Variants in SLC20A1 observed in about 807,000 individuals in gnomAD.
SLC20A1 encodes the protein solute carrier family 20 member 1.
Under a neutral mutation model 62.7 loss-of-function variants are expected in SLC20A1, and 28 were observed. That is an observed-to-expected ratio of 0.45 (90% confidence interval 0.33 to 0.61). The LOEUF (loss-of-function observed/expected upper bound fraction) is 0.61. Ranked by LOEUF, SLC20A1 falls within the 20% of genes least tolerant of loss-of-function variation. The pLI is 0.02. For synonymous variants in SLC20A1, 305 were observed against 302.9 expected (o/e 1.01, Z -0.07); for missense variants, 673 against 838.6 (o/e 0.80, Z 2.44).
Position 112,661,165 on chromosome 2 carries a change from C to T in SLC20A1, c.1817C>T (p.Ser606Phe). The change falls in exon 10 of 11, where the codon TCT becomes TTT. Residue 606 changes from serine (S) to phenylalanine (F), a missense_variant. Coordinates refer to ENST00000272542, the MANE Select transcript of SLC20A1 (RefSeq NM_005415.5). Reference sequence around the variant, plus strand: ...AGTGGCTTCAGTATTGAACTGGCATCTGCCCTCACTGTGGTGATTGCATCA... The same window carrying T: ...AGTGGCTTCAGTATTGAACTGGCATTTGCCCTCACTGTGGTGATTGCATCA... ...PSSGFSIELA[S>F]ALTVVIASNI... 6.2e-7 allele frequency: 1 copy of T among 1,614,096 alleles called. No homozygotes were observed. Among genetic ancestry groups the T allele is most frequent in the Non-Finnish European group, 8.5e-7 (1 of 1,179,932 alleles).
chr2:112,647,016 G>A lies in SLC20A1; in HGVS notation c.188G>A (p.Cys63Tyr). ...GSGVVTLKQA[C>Y]ILASIFETVG... ...GGTGTAGTGACCCTGAAGCAAGCCT[G>A]CATCCTAGCTAGCATCTTTGAAACA... The change falls in exon 2 of 11, where the codon TGC becomes TAC. Residue 63 changes from cysteine (C) to tyrosine (Y), a missense_variant. By Grantham distance (194) the Cys-to-Tyr change is radical (BLOSUM62 -2). Coordinates refer to ENST00000272542, the MANE Select transcript of SLC20A1 (RefSeq NM_005415.5). 6.2e-7 allele frequency: 1 copy of A among 1,614,126 alleles called. No individual in the cohort carries two copies. Among genetic ancestry groups the A allele is most frequent in the Non-Finnish European group, 8.5e-7 (1 of 1,180,016 alleles).
intron 5 of SLC20A1, 172 bp from the exon 6 acceptor site, chr2:112,656,950 C>T (rs947313696): frequency 9.1e-6 from 7 of 769,014 alleles, no homozygotes; most frequent in Admixed American, 8.8e-5. Context: ...GAGTTTTTCT[C>T]CCAAATTTGT....
chr2:112,652,199 A>G (rs141596531), intron 4 of SLC20A1: 30 of 157,488 alleles, frequency 1.9e-4, no homozygotes, highest in South Asian at 1.3e-3. Context: ...AGTTATTATC[A>G]TTGAACTTCG....
intron 9 of SLC20A1, chr2:112,660,851 T>TCTTTA (rs4067423): frequency 0.82 from 390,237 of 474,084 alleles, 162,648 homozygotes; most frequent in East Asian, 1. Context: ...CTTTTATTTG[T>TCTTTA]CTTGGGAGCT....
intron 6 of SLC20A1, among the ~76,000 whole-genome samples, chr2:112,658,201 T>C (rs527736406): frequency 1.3e-5 from 2 of 150,372 alleles, no homozygotes; most frequent in East Asian, 3.9e-4. Context: ...GTAGTTTGAC[T>C]GAGGTGCCTG....
intron 1 of SLC20A1, 23 bp downstream of exon 1, chr2:112,646,152 A>G (rs1257666405): frequency 6.6e-6 from 1 of 151,598 alleles, no homozygotes; most frequent in African/African-American, 2.4e-5. Flanking sequence ...GCCGCCTCGT[A>G]AAGGCTCTTT....
intron 10 of SLC20A1, among the ~76,000 whole-genome samples, chr2:112,662,216 T>C (rs1686767787): frequency 1.3e-5 from 2 of 152,176 alleles, no homozygotes; most frequent in Non-Finnish European, 2.9e-5. Context: ...CTCCAGACAA[T>C]TGTTTATTAG....
intron 6 of SLC20A1, chr2:112,658,518 T>C (rs914047885): frequency 1.2e-5 from 3 of 244,306 alleles, no homozygotes; most frequent in African/African-American, 6.8e-5. Context: ...AGAAGGGTTC[T>C]TATATCTGTA....
At chr2:112,652,996 G>C in intron 5 of SLC20A1, 198 bp downstream of exon 5, 1 of 1,375,716 alleles carries the variant, frequency 7.3e-7, no homozygotes. Context: ...GACCTGCTCA[G>C]ATTCTAAATC....
In SLC20A1 at chr2:112,662,870, T is replaced by A; in HGVS notation, c.1885T>A (p.Ser629Thr). The change falls in exon 11 of 11, where the codon TCT (serine) becomes ACT (threonine). Residue 629 changes from serine (S) to threonine (T), a missense_variant. Physicochemically the swap from Ser to Thr is moderately conservative, Grantham distance 58 (BLOSUM62 1). Coordinates refer to ENST00000272542, the MANE Select transcript of SLC20A1 (RefSeq NM_005415.5). ...TGGTCTGCTTCTCTTCTAGGTGGGCTCTGTTGTGTCTGTTGGCTGGCTCCG... is the reference window on the plus strand; with the variant it reads ...TGGTCTGCTTCTCTTCTAGGTGGGCACTGTTGTGTCTGTTGGCTGGCTCCG... ...PISTTHCKVG[S>T]VVSVGWLRSK... 1 of 1,614,090 alleles carries A rather than the reference T, an allele frequency of 6.2e-7. No individual in the cohort carries two copies.
Position 112,657,138 on chromosome 2 carries a change from A to C in SLC20A1, c.675A>C (p.Lys225Asn). ...YTGAPLLGFD[K>N]LPLWGTILIS... ...ATCTCCTAGTGCTGGGCTTTGACAAACTTCCTCTGTGGGGTACCATCCTCA... is the reference window on the plus strand; with the variant it reads ...ATCTCCTAGTGCTGGGCTTTGACAACCTTCCTCTGTGGGGTACCATCCTCA... Residue 225 changes from lysine (K) to asparagine (N), a missense_variant, in exon 6 of 11, where the codon AAA (lysine) becomes AAC (asparagine). Physicochemically the swap from Lys to Asn is moderately conservative, Grantham distance 94 (BLOSUM62 0). Coordinates refer to ENST00000272542, the MANE Select transcript of SLC20A1 (RefSeq NM_005415.5). 1 of 1,608,526 alleles carries C rather than the reference A, an allele frequency of 6.2e-7. No homozygotes were observed. Among genetic ancestry groups the C allele is most frequent in the Non-Finnish European group, 8.5e-7 (1 of 1,178,884 alleles).
intron 4 of SLC20A1, 43 bp downstream of exon 4, chr2:112,647,781 C>G (rs1686323784): frequency 1.4e-6 from 2 of 1,473,752 alleles, no homozygotes; most frequent in African/African-American, 1.4e-5. Flanking sequence ...TGGAGCACAC[C>G]CAATCGATTT....
At chr2:112,652,605 G>T in intron 4 of SLC20A1, 97 bp from the exon 5 acceptor site, 4 of 903,406 alleles carry the variant, frequency 4.4e-6, no homozygotes, top group East Asian at 2.4e-5. Context: ...GAGAGTTATT[G>T]GCACTATAAT....
Position 112,657,073 on chromosome 2 carries a change from A to G in SLC20A1, c.659-49A>G. On this transcript the variant is annotated intron_variant, in intron 5 of 10. Transcript: ENST00000272542. ...CAGAGGAGGGTTTACACAATATTGC[A>G]GGGGGCTGTTGCCCTGGGGTTTTCA... 1.2e-6 allele frequency: 2 copies of G among 1,611,908 alleles called. 1 individual carries two copies. Among genetic ancestry groups the G allele is most frequent in the South Asian group, 2.2e-5 (2 of 90,988 alleles).
At chr2:112,658,495 C>T (rs753578995) in intron 6 of SLC20A1, 4 of 196,666 alleles carry the variant, frequency 2.0e-5, no homozygotes, top group Non-Finnish European at 3.1e-5. Flanking sequence ...CAGAATGAGT[C>T]AGCAGGGAGC....
rs1464267721 is a variant in SLC20A1 at position 112,660,412 on chromosome 2, T to A, written c.1633T>A (p.Leu545Ile). Residue 545 changes from leucine (L) to isoleucine (I), a missense_variant, in exon 9 of 11, where the codon TTA becomes ATA. By Grantham distance (5) the Leu-to-Ile change is conservative. Coordinates refer to ENST00000272542, the MANE Select transcript of SLC20A1 (RefSeq NM_005415.5). ...VSNAIGPLVA[L>I]YLVYDTGDVS... Reference sequence around the variant, plus strand: ...CAATGCCATTGGGCCTCTGGTTGCTTTATATTTGGTTTATGACACAGGAGA... The same window carrying A: ...CAATGCCATTGGGCCTCTGGTTGCTATATATTTGGTTTATGACACAGGAGA... 1 of 1,614,140 alleles carries A rather than the reference T, an allele frequency of 6.2e-7. No individual in the cohort carries two copies. The highest frequency in any genetic ancestry group is 1.1e-5 in the South Asian group (1 of 91,074).
chr2:112,659,557 T>G lies in SLC20A1; in HGVS notation c.1402T>G (p.Cys468Gly), dbSNP rs1256053493. The G allele has an allele frequency of 6.2e-7, 1 of 1,614,256 alleles. No individual in the cohort carries two copies. Among genetic ancestry groups the G allele is most frequent in the South Asian group, 1.1e-5 (1 of 91,088 alleles). ...TCGAATGGACAGTTACACCAGTTAC[T>G]GCAATGCTGTGTCTGACCTTCACTC... ...RIRMDSYTSY[C>G]NAVSDLHSAS... Residue 468 changes from cysteine (C) to glycine (G), a missense_variant, in exon 8 of 11, where the codon TGC becomes GGC. By Grantham distance (159) the Cys-to-Gly change is radical. Coordinates refer to ENST00000272542, the MANE Select transcript of SLC20A1 (RefSeq NM_005415.5).
intron 4 of SLC20A1, among the ~76,000 whole-genome samples, chr2:112,650,562 C>T (rs180991511): frequency 1.3e-5 from 2 of 152,084 alleles, no homozygotes; most frequent in Non-Finnish European, 2.9e-5. Context: ...AACTCCTGAC[C>T]TCAGGTGCTC....
rs1686799405 is a variant in SLC20A1 at position 112,663,266 on chromosome 2, G to A, written c.*241G>A. On this transcript the variant is annotated 3_prime_UTR_variant, in exon 11 of 11. Transcript: ENST00000272542. ...CTGCTGAGGTCCCCTTTCCTTCTGGGCTGTGAATTCCTGTACATATTTCTC... is the reference window on the plus strand; with the variant it reads ...CTGCTGAGGTCCCCTTTCCTTCTGGACTGTGAATTCCTGTACATATTTCTC... 1 of 574,378 alleles carries A rather than the reference G, an allele frequency of 1.7e-6. No individual in the cohort carries two copies. The highest frequency in any genetic ancestry group is 1.6e-5 in the South Asian group (1 of 63,286). The allele number at this position is 574,378 out of a possible 1,614,324, so 35.6% of individuals were successfully genotyped here. A position where few individuals can be genotyped will look rare whatever the true frequency, so the allele number is the denominator to read the frequency against.
Sources: gnomAD v4.1 joint callset for allele counts (sites outside exome capture counted in the v4.1 genomes callset) on GRCh38, gnomAD v4.1.1 for gene constraint, MANE v1.5 for transcripts, NCBI Gene and HGNC (gene_info 2026-07-23, HGNC 2026-07-21) for gene names.